The following NUMA1 variants were observed in gnomAD, a reference collection of about 807,000 sequenced individuals.
NUMA1 encodes nuclear mitotic apparatus protein 1, also known as SP-H antigen.
NUMA1 carries 62 observed loss-of-function variants against 237.1 expected under a neutral mutation model. That is an observed-to-expected ratio of 0.26 (90% confidence interval 0.21 to 0.32). The LOEUF (loss-of-function observed/expected upper bound fraction) is 0.32, where lower values mean the gene tolerates loss of function less well. NUMA1 is among the 10% of genes least tolerant of loss of function. The pLI is 1.00. For synonymous variants in NUMA1, 1,028 were observed against 1,066.1 expected, an observed-to-expected ratio of 0.96 and a Z score of 0.70; for missense variants, 2,533 against 2,666.5, an observed-to-expected ratio of 0.95 and a Z score of 1.10.
chr11:72,051,336 T>G (rs1042898073), intron 2 of NUMA1, among the ~76,000 whole-genome samples: 14 of 152,230 alleles, frequency 9.2e-5, no homozygotes, highest in African/African-American at 3.1e-4. Context: ...GCAAAGCTCT[T>G]TCTTTATATC....
intron 2 of NUMA1, among the ~76,000 whole-genome samples, chr11:72,057,878 T>G (rs1942745832): frequency 6.6e-6 from 1 of 150,712 alleles, no homozygotes; most frequent in Non-Finnish European, 1.5e-5. Context: ...GAGAACAGCC[T>G]GGCCAACATA....
At position 72,021,289 on chromosome 11, in the gene NUMA1, A is replaced by G; in HGVS notation, c.375T>C (p.Ala125=). ...DWEQFEYKIQ[A]ELAVILKFVL... ...CAAATTTAAGAATGACAGCCAACTC[A>G]GCCTGGGCCACAGGGAGAAAAAGAG... The change falls in exon 8 of 27, where the codon GCT becomes GCC. Residue 125 remains alanine (A), a splice_region_variant and synonymous_variant. Coordinates refer to ENST00000393695, the MANE Select transcript of NUMA1 (RefSeq NM_006185.4). 1 of 1,614,078 alleles carries G rather than the reference A, an allele frequency of 6.2e-7. No homozygotes were observed. The highest frequency in any genetic ancestry group is 1.1e-5 in the South Asian group (1 of 91,076).
intron 16 of NUMA1, among the ~76,000 whole-genome samples, chr11:72,011,695 C>T (rs1041147644): frequency 1.3e-5 from 2 of 152,056 alleles, no homozygotes; most frequent in Non-Finnish European, 2.9e-5. Context: ...TGCTCTATAG[C>T]CTCGATGTCT....
Position 72,014,760 on chromosome 11 carries a change from C to T in NUMA1, c.2743G>A (p.Glu915Lys). The change falls in exon 15 of 27, where the codon GAG becomes AAG. Residue 915 changes from glutamate to lysine, a missense_variant. Around this residue, in one of 3 missense-constraint regions of NUMA1, gnomAD observed 1,414 missense variants for 1,508.1 expected, o/e 0.94. Coordinates refer to ENST00000393695, the MANE Select transcript of NUMA1 (RefSeq NM_006185.4). The surrounding 1 kb of genome is among the most constrained non-coding windows in gnomAD (Gnocchi z 4.6). The stretch of plus-strand genomic sequence containing the variant: ...ACCAAGGTCTCCAAGCGGGCCACCT[C>T]TTTGCTGGTGGCAGCCATCTTTTCC... ...LQEKMAATSK[E>K]VARLETLVRK... 6.2e-7 allele frequency: 1 copy of T among 1,614,182 alleles called. No homozygotes were observed. Among genetic ancestry groups the T allele is most frequent in the Non-Finnish European group, 8.5e-7 (1 of 1,180,040 alleles).
chr11:72,061,425 T>C (rs1471290530), intron 2 of NUMA1, among the ~76,000 whole-genome samples: 2 of 151,816 alleles, frequency 1.3e-5, no homozygotes, highest in Non-Finnish European at 2.9e-5. Context: ...TATCTTTACT[T>C]ATGGGTTGCA....
intron 2 of NUMA1, among the ~76,000 whole-genome samples, chr11:72,044,204 T>C (rs1415941674): frequency 6.6e-6 from 1 of 152,162 alleles, no homozygotes; most frequent in South Asian, 2.1e-4. Flanking sequence ...CTATTTGACA[T>C]TGGCAAGAAA....
At position 72,015,900 on chromosome 11, in the gene NUMA1, G is replaced by A. The variant is rs769319546; in HGVS notation, c.1603C>T (p.Leu535=). 1.9e-6 allele frequency: 3 copies of A among 1,614,154 alleles called. No individual in the cohort carries two copies. Among genetic ancestry groups the A allele is most frequent in the Non-Finnish European group, 2.5e-6 (3 of 1,180,036 alleles). The change falls in exon 15 of 27, where the codon CTA becomes TTA. Residue 535 remains leucine (L), a synonymous_variant. Coordinates refer to ENST00000393695, the MANE Select transcript of NUMA1 (RefSeq NM_006185.4). This position sits in a 1 kb window ranked among gnomAD's most constrained non-coding sequence, Gnocchi z 4.0. ...KQQAKEKQAQ[L]AQTLQQQEQA... is the part of the protein sequence containing the mutation. ...TCTTGCTGTTGGAGGGTCTGTGCTA[G>A]CTGGGCCTGCTTCTCTTTGGCCTGC...
rs113485118 is a variant in NUMA1, at chr11:72,033,296, G to A, written c.42+2606C>T. Among the ~76,000 whole-genome samples the A allele has an allele frequency of 2.3e-3, 353 of 151,782 alleles. 1 individual carries two copies. Among genetic ancestry groups the A allele is most frequent in the Middle Eastern group, 0.014 (4 of 292 alleles). Reference sequence around the variant, plus strand: ...CCATCTCAGCTTCCCAAGTAGCAGGGACTACAGGTGTGCACTACTGATCCC... The same window carrying A: ...CCATCTCAGCTTCCCAAGTAGCAGGAACTACAGGTGTGCACTACTGATCCC... On this transcript the variant is annotated intron_variant, in intron 3 of 26. Transcript: ENST00000393695.
intron 1 of NUMA1, among the ~76,000 whole-genome samples, chr11:72,080,019 A>G (rs1416352359): frequency 6.6e-6 from 1 of 152,192 alleles, no homozygotes; most frequent in Non-Finnish European, 1.5e-5. Context: ...TCTTTAAAGT[A>G]TAACAGGTGG....
At position 72,005,131 on chromosome 11, in the gene NUMA1, CCAGT is replaced by C. The variant is rs1955600228; in HGVS notation, c.5829+98_5829+101del. On this transcript the variant is annotated intron_variant, in intron 23 of 26. Transcript: ENST00000393695. ...AGAAGGTCACCCTCCCCCTCCTCGG[CCAGT>C]CAGTGATCCAGGGCCCTAGTGCTCA... The C allele has an allele frequency of 2.0e-5, 27 of 1,320,016 alleles. No homozygotes were observed. The South Asian group carries it at 3.9e-4, about 19-fold the overall frequency. The allele number at this position is 1,320,016 out of a possible 1,614,324, so 81.8% of individuals were successfully genotyped here.
chr11:72,026,930 G>T (rs577593015), intron 4 of NUMA1, among the ~76,000 whole-genome samples: 6 of 152,240 alleles, frequency 3.9e-5, no homozygotes, highest in African/African-American at 1.4e-4. Flanking sequence ...TTTCAATATC[G>T]CCTACCTCCA....
rs1956285510 is a variant in NUMA1 at position 72,013,478 on chromosome 11, G to T, written c.4025C>A (p.Ala1342Asp). The T allele has an allele frequency of 6.2e-7, 1 of 1,613,458 alleles. No homozygotes were observed. Among genetic ancestry groups the T allele is most frequent in the South Asian group, 1.1e-5 (1 of 91,072 alleles). The change falls in exon 15 of 27, where the codon GCC (alanine) becomes GAC (aspartate). Residue 1342 changes from alanine (A) to aspartate (D), a missense_variant. Transcript: ENST00000393695. This position sits in a 1 kb window ranked among gnomAD's most constrained non-coding sequence, Gnocchi z 6.8. ...GTGCTCGAGCTGCAGGGTGGAGAGG[G>T]CCTGCTCTTTCTGGAAGAACTTCTC... The part of the protein sequence containing the change: ...WQEKFFQKEQ[A>D]LSTLQLEHTS...
intron 9 of NUMA1, 76 bp from the exon 10 acceptor site, chr11:72,019,056 G>A: frequency 6.5e-7 from 1 of 1,548,730 alleles, no homozygotes; most frequent in Non-Finnish European, 8.8e-7. Context: ...AGCAGTAAGG[G>A]AGCGGGGTCT....
intron 20 of NUMA1, chr11:72,007,920 T>C (rs930637403): frequency 1.7e-5 from 6 of 352,468 alleles, no homozygotes; most frequent in Non-Finnish European, 2.2e-5. Context: ...CTTCATCTCC[T>C]CTCACCTAGA....
Position 72,014,002 on chromosome 11 carries a change from CAG to C in NUMA1, c.3499_3500del (p.Leu1167AlafsTer39), listed in dbSNP as rs988705691. 1.2e-6 allele frequency: 2 copies of C among 1,612,156 alleles called. No homozygotes were observed. The highest frequency in any genetic ancestry group is 3.3e-5 in the Admixed American group (2 of 60,002). On this transcript the variant is annotated frameshift_variant, in exon 15 of 27. Transcript: ENST00000393695. LOFTEE classifies it high-confidence loss of function. This position sits in a 1 kb window ranked among gnomAD's most constrained non-coding sequence, Gnocchi z 4.6. Reference protein sequence around the residue: ...RAERDSALETLQGQLEEKAQE... With the variant: ...RAERDSALETXQGQLEEKAQE... The stretch of plus-strand genomic sequence containing the variant: ...GGGCCTTCTCCTCTAACTGGCCCTG[CAG>C]AGTCTCCAGAGCACTGTCCCGCTCA...
At chr11:72,019,054 G>C in intron 9 of NUMA1, 74 bp from the exon 10 acceptor site, 1 of 1,555,824 alleles carries the variant, frequency 6.4e-7, no homozygotes, top group South Asian at 1.2e-5. Flanking sequence ...GCAGCAGTAA[G>C]GGAGCGGGGT....
At chr11:72,044,640 T>G (rs1359389707) in intron 2 of NUMA1, among the ~76,000 whole-genome samples, 5 of 151,660 alleles carry the variant, frequency 3.3e-5, no homozygotes, top group Non-Finnish European at 5.9e-5. Flanking sequence ...GAACATTCAC[T>G]TGGGGACTTT....
intron 2 of NUMA1, among the ~76,000 whole-genome samples, chr11:72,037,739 G>GC (rs1419418123): frequency 1.3e-5 from 2 of 152,178 alleles, no homozygotes; most frequent in Admixed American, 1.3e-4. Context: ...TGTCATACCA[G>GC]CATCAGTCTT....
chr11:72,019,142 G>T, intron 9 of NUMA1, 162 bp from the exon 10 acceptor site: 1 of 723,334 alleles, frequency 1.4e-6, no homozygotes, highest in Non-Finnish European at 2.2e-6. Context: ...CTCATGACAT[G>T]ATCTTGGGAA....
Sources: allele counts gnomAD v4.1 joint callset (sites outside exome capture counted in the v4.1 genomes callset), GRCh38; gene constraint gnomAD v4.1.1; regional missense constraint gnomAD v4.1.1; non-coding constraint Gnocchi (gnomAD v3.1); transcripts MANE v1.5; gene names NCBI Gene and HGNC (gene_info 2026-07-23, HGNC 2026-07-21).